Variants in KCNIP3 observed in about 807,000 individuals in gnomAD.
KCNIP3 encodes calsenilin.
KCNIP3 carries 28 observed loss-of-function variants against 35.0 expected under a neutral mutation model. That is an observed-to-expected ratio of 0.80 (90% CI 0.59 to 1.10). KCNIP3 has a LOEUF of 1.10. Among genes scored for constraint, KCNIP3 ranks in the 50% least tolerant of loss-of-function variants. KCNIP3 has a pLI of 0.00. For missense variants in KCNIP3, 295 were observed against 338.4 expected (o/e 0.87, Z 1.01); for synonymous variants, 134 against 133.8 (o/e 1.00, Z -0.01).
chr2:95,318,699 G>C (rs1280655318), intron 2 of KCNIP3, among the ~76,000 whole-genome samples: 1 of 152,220 alleles, frequency 6.6e-6, no homozygotes, highest in Non-Finnish European at 1.5e-5. Flanking sequence ...TGCATGGGGG[G>C]ACCTGGCATT....
At chr2:95,361,263 C>T (rs1679792436) in intron 2 of KCNIP3, among the ~76,000 whole-genome samples, 1 of 152,162 alleles carries the variant, frequency 6.6e-6, no homozygotes, top group African/African-American at 2.4e-5. Context: ...CACCCTGTTT[C>T]CCAGGTCAGA....
chr2:95,377,940 C>T lies in KCNIP3; in HGVS notation c.447+2732C>T, dbSNP rs534465160. Among the ~76,000 whole-genome samples the T allele has an allele frequency of 6.3e-4, 96 of 152,254 alleles. No individual in the cohort carries two copies. The highest frequency in any genetic ancestry group is 2.3e-3 in the African/African-American group (95 of 41,544). On this transcript the variant is annotated intron_variant, in intron 5 of 8. Coordinates refer to ENST00000295225, the MANE Select transcript of KCNIP3 (RefSeq NM_013434.5). The surrounding 1 kb of genome is among the most constrained non-coding windows in gnomAD (Gnocchi z 4.7). ...CAGCTGAAGATAAGGTGGAGGACAG[C>T]GGTGCCTGCCCAGGGTCCCCAGGAG...
At chr2:95,338,599 C>G (rs1177585985) in intron 2 of KCNIP3, among the ~76,000 whole-genome samples, 1 of 152,146 alleles carries the variant, frequency 6.6e-6, no homozygotes, top group South Asian at 2.1e-4. Context: ...ATAAAGACCC[C>G]GGGAAATGTA....
chr2:95,343,248 T>C (rs1406921343), intron 2 of KCNIP3, among the ~76,000 whole-genome samples: 1 of 152,084 alleles, frequency 6.6e-6, no homozygotes, highest in Admixed American at 6.5e-5. Flanking sequence ...TGGGGAGACT[T>C]GGGAAGTGGC....
intron 2 of KCNIP3, among the ~76,000 whole-genome samples, chr2:95,347,952 C>A (rs1042204376): frequency 9.9e-5 from 15 of 152,230 alleles, no homozygotes; most frequent in Admixed American, 6.5e-5. Context: ...CTTGCCCCTG[C>A]CTGGGAGCTG....
At chr2:95,371,965 C>T (rs1467083043) in intron 2 of KCNIP3, among the ~76,000 whole-genome samples, 7 of 151,922 alleles carry the variant, frequency 4.6e-5, no homozygotes, top group African/African-American at 1.2e-4. Flanking sequence ...CCACTGCACC[C>T]GGCTCATTTT....
chr2:95,345,073 T>A (rs1199412419), intron 2 of KCNIP3, among the ~76,000 whole-genome samples: 1 of 152,220 alleles, frequency 6.6e-6, no homozygotes, highest in African/African-American at 2.4e-5. Flanking sequence ...AATCACCACA[T>A]CCCAATTAAC....
rs1458060206 is a variant in KCNIP3 at position 95,308,200 on chromosome 2, A to T, written c.16-2155A>T. Among the ~76,000 whole-genome samples the T allele has an allele frequency of 2.0e-5, 3 of 152,086 alleles. No individual in the cohort carries two copies. The South Asian group carries it at 6.2e-4, about 32-fold the overall frequency. ...GCACCCCAGGCACCCGTCCACCCCC[A>T]GCTCTCCCCCTGTTTCTGCTCCATC... On this transcript the variant is annotated intron_variant, in intron 1 of 8. Coordinates refer to ENST00000295225, the MANE Select transcript of KCNIP3 (RefSeq NM_013434.5).
intron 1 of KCNIP3, among the ~76,000 whole-genome samples, chr2:95,306,038 C>T (rs1324256023): frequency 3.3e-5 from 5 of 152,214 alleles, no homozygotes; most frequent in Non-Finnish European, 5.9e-5. Context: ...TCTGTGGTAG[C>T]GCATGCCTAG....
At chr2:95,357,485 T>C (rs753341138) in intron 2 of KCNIP3, among the ~76,000 whole-genome samples, 10 of 152,242 alleles carry the variant, frequency 6.6e-5, no homozygotes, top group Non-Finnish European at 1.0e-4. Context: ...ACTGCGCCTC[T>C]GAGGAGCTGA....
intron 2 of KCNIP3, among the ~76,000 whole-genome samples, chr2:95,328,566 C>T (rs896225540): frequency 1.3e-5 from 2 of 152,220 alleles, no homozygotes; most frequent in Non-Finnish European, 2.9e-5. Context: ...GTGCGTGTAC[C>T]CATGTGTGTG....
At chr2:95,299,837 G>A (rs1314655049) in intron 1 of KCNIP3, among the ~76,000 whole-genome samples, 2 of 152,246 alleles carry the variant, frequency 1.3e-5, no homozygotes, top group African/African-American at 4.8e-5. Context: ...TCCAGGTAGA[G>A]CCCAGGAGAA....
rs149210524 is a variant in KCNIP3, at chr2:95,384,306, C to G, written c.*257C>G. The G allele has an allele frequency of 7.2e-4, 379 of 529,282 alleles. 3 individuals are homozygous for G. The highest frequency in any genetic ancestry group is 6.7e-3 in the African/African-American group (352 of 52,616). The allele number at this position is 529,282 out of a possible 1,614,324, so 32.8% of individuals were successfully genotyped here. On this transcript the variant is annotated 3_prime_UTR_variant, in exon 9 of 9. Coordinates refer to ENST00000295225, the MANE Select transcript of KCNIP3 (RefSeq NM_013434.5). ...CCCCAGCCAGCCCTTCCCAGGCCAGCGAGGCGAGGCTGCCTCTGGGTGAGT... is the reference window on the plus strand; with the variant it reads ...CCCCAGCCAGCCCTTCCCAGGCCAGGGAGGCGAGGCTGCCTCTGGGTGAGT...
chr2:95,347,992 C>G (rs1221815063), intron 2 of KCNIP3, among the ~76,000 whole-genome samples: 1 of 152,234 alleles, frequency 6.6e-6, no homozygotes, highest in Non-Finnish European at 1.5e-5. Flanking sequence ...TGGGGAAGTG[C>G]CCCAAGTTCC....
chr2:95,366,137 C>T (rs1441864339), intron 2 of KCNIP3, among the ~76,000 whole-genome samples: 1 of 152,158 alleles, frequency 6.6e-6, no homozygotes, highest in African/African-American at 2.4e-5. Context: ...TGCACCACCA[C>T]ACCGGGCACC....
intron 2 of KCNIP3, among the ~76,000 whole-genome samples, chr2:95,330,906 A>G (rs1367894159): frequency 6.6e-6 from 1 of 152,238 alleles, no homozygotes; most frequent in Non-Finnish European, 1.5e-5. Flanking sequence ...TAAACGATAT[A>G]TTGCAAGGGA....
chr2:95,318,146 A>G (rs1013196886), intron 2 of KCNIP3, among the ~76,000 whole-genome samples: 1 of 152,034 alleles, frequency 6.6e-6, no homozygotes, highest in Non-Finnish European at 1.5e-5. Context: ...TGACCTGGGG[A>G]CAGTGAATGC....
At chr2:95,325,574 C>A (rs528859384) in intron 2 of KCNIP3, among the ~76,000 whole-genome samples, 1 of 152,082 alleles carries the variant, frequency 6.6e-6, no homozygotes, top group East Asian at 1.9e-4. Context: ...CAGGTCAGGG[C>A]ACATGCACGC....
chr2:95,308,985 C>T (rs1463274338), intron 1 of KCNIP3, among the ~76,000 whole-genome samples: 1 of 152,202 alleles, frequency 6.6e-6, no homozygotes, highest in African/African-American at 2.4e-5. Context: ...GGACAACCCA[C>T]CCCCTGAGTG....
Sources: allele counts gnomAD v4.1 joint callset (sites outside exome capture counted in the v4.1 genomes callset), GRCh38; gene constraint gnomAD v4.1.1; non-coding constraint Gnocchi (gnomAD v3.1); transcripts MANE v1.5; gene names NCBI Gene and HGNC (gene_info 2026-07-23, HGNC 2026-07-21).